MAP3K15: variants seen among roughly 807,000 people sequenced by gnomAD.
MAP3K15 encodes the protein mitogen-activated protein kinase kinase kinase 15.
Under a neutral mutation model 99.5 loss-of-function variants are expected in MAP3K15, and 124 were observed. The observed-to-expected ratio is 1.25, with a 90% CI of 1.08 to 1.45. MAP3K15 has a LOEUF of 1.45. MAP3K15 is among the 40% of genes most tolerant of loss of function. The pLI is 0.00. For missense variants in MAP3K15, 1,242 were observed against 1,079.7 expected (o/e 1.15, Z -2.11); for synonymous variants, 494 against 439.6 (o/e 1.12, Z -1.55).
chrX:19,361,503 G>C lies in MAP3K15; in HGVS notation c.3770C>G (p.Thr1257Arg). The C allele has an allele frequency of 2.5e-6, 3 of 1,208,895 alleles. No homozygotes were observed. The South Asian group carries it at 5.3e-5, about 21-fold the overall frequency. The change falls in exon 27 of 29, where the codon ACA becomes AGA. Residue 1257 changes from threonine (T) to arginine (R), a missense_variant. Physicochemically the swap from Thr to Arg is moderately conservative, Grantham distance 71. Transcript: ENST00000338883. ...WLRLQGADAK[T>R]IEKIVEEGYT... ...TTGTTGTAAATTTACCTTTTCAATT[G>C]TCTTTGCATCAGCTCCTTGCAGCCG...
At chrX:19,503,287 G>A (rs991376705) in intron 1 of MAP3K15, among the ~76,000 whole-genome samples, 8 of 108,562 alleles carry the variant, frequency 7.4e-5, no homozygotes, top group Non-Finnish European at 1.3e-4. Context: ...ATGTGTAGAT[G>A]GCATGCAAAA....
At position 19,371,542 on chromosome X, in the gene MAP3K15, C is replaced by A. The variant is rs757171909; in HGVS notation, c.3109-12G>T. The A allele has an allele frequency of 1.7e-6, 2 of 1,186,058 alleles. No homozygotes were observed. Among genetic ancestry groups the A allele is most frequent in the African/African-American group, 1.8e-5 (1 of 56,809 alleles). The stretch of plus-strand genomic sequence containing the variant: ...AACTCTTCGGAACTCTGAAAACACA[C>A]ACAAATCATTTTCATTGAGTCAGAT... On this transcript the variant is annotated splice_polypyrimidine_tract_variant and intron_variant, in intron 22 of 28. Transcript: ENST00000338883.
rs781183711 is a variant in MAP3K15 at position 19,437,636 on chromosome X, TACCCTATC to T, written c.996-6036_996-6029del. On this transcript the variant is annotated intron_variant, in intron 6 of 28. Coordinates refer to ENST00000338883, the MANE Select transcript of MAP3K15 (RefSeq NM_001001671.4). ...CAATCTTCCCATCCTACTTACTGGCTACCCTATCACCCTAAACTGTTTTAATACATTTA... is the reference window on the plus strand; with the variant it reads ...CAATCTTCCCATCCTACTTACTGGCTACCCTAAACTGTTTTAATACATTTA... Among the ~76,000 whole-genome samples the T allele has an allele frequency of 2.7e-5, 3 of 112,203 alleles. No homozygotes were observed. In the South Asian group the frequency reaches 1.1e-3, roughly 41 times the overall value.
Position 19,515,094 on chromosome X carries a change from C to T in MAP3K15, c.168G>A (p.Gly56=), listed in dbSNP as rs1286076279. The change falls in exon 1 of 29, where the codon GGG becomes GGA. Residue 56 remains glycine (G), a synonymous_variant. Coordinates refer to ENST00000338883, the MANE Select transcript of MAP3K15 (RefSeq NM_001001671.4). The part of the protein sequence containing the change: ...GGSGEGESGG[G]PRRALRAVYV... ...ATACTGCCCGCAGAGCCCGCCGCGG[C>T]CCGCCCCCACTCTCGCCCTCGCCGC... The T allele has an allele frequency of 1.7e-5, 15 of 872,671 alleles. No homozygotes were observed. Among genetic ancestry groups the T allele is most frequent in the Non-Finnish European group, 2.2e-5 (15 of 680,006 alleles). The allele number at this position is 872,671 out of a possible 1,213,427, so 71.9% of individuals were successfully genotyped here. A position where few individuals can be genotyped will look rare whatever the true frequency, so the allele number is the denominator to read the frequency against.
chrX:19,407,284 C>G lies in MAP3K15; in HGVS notation c.1749-1G>C. ...ACACCTTTCATCAAACTTTGATAGG[C>G]TGTAAAATTTCAAAGCATAATGTTT... On this transcript the variant is annotated splice_acceptor_variant, in intron 12 of 28. Transcript: ENST00000338883. LOFTEE classifies it high-confidence loss of function. The G allele has an allele frequency of 3.5e-6, 4 of 1,134,873 alleles. No homozygotes were observed. The highest frequency in any genetic ancestry group is 4.8e-6 in the Non-Finnish European group (4 of 839,491). 93.5% of individuals were successfully genotyped at this position (1,134,873 alleles called of 1,213,427 possible). A position where few individuals can be genotyped will look rare whatever the true frequency, so the allele number is the denominator to read the frequency against.
intron 6 of MAP3K15, among the ~76,000 whole-genome samples, chrX:19,454,807 G>A (rs2064080475): frequency 1.8e-5 from 2 of 111,921 alleles, no homozygotes; most frequent in South Asian, 7.4e-4. Context: ...CTTTGGATTT[G>A]CAGTATTTCA....
intron 13 of MAP3K15, among the ~76,000 whole-genome samples, chrX:19,402,904 G>A (rs1273207971): frequency 9.0e-5 from 10 of 111,569 alleles, no homozygotes; most frequent in Admixed American, 7.6e-4. Context: ...GGGATCAACC[G>A]ATCCTCCTGC....
At position 19,456,997 on chromosome X, in the gene MAP3K15, A is replaced by C. The variant is rs767425175; in HGVS notation, c.911T>G (p.Leu304Arg). The stretch of plus-strand genomic sequence containing the variant: ...AGGCAGCATCTCCAGTGTTTCCACC[A>C]GCTTCACCATCGCATCATAGTCCTG... ...DIQDYDAMVK[L>R]VETLEMLPTC... The change falls in exon 6 of 29, where the codon CTG becomes CGG. Residue 304 changes from leucine to arginine, a missense_variant. Coordinates refer to ENST00000338883, the MANE Select transcript of MAP3K15 (RefSeq NM_001001671.4). 3.3e-6 allele frequency: 4 copies of C among 1,196,281 alleles called. No homozygotes were observed. The highest frequency in any genetic ancestry group is 3.5e-5 in the South Asian group (2 of 56,558).
rs373519622 is a variant in MAP3K15 at position 19,369,131 on chromosome X, G to A, written c.3489C>T (p.Thr1163=). 86 of 1,208,742 alleles carry A rather than the reference G, an allele frequency of 7.1e-5. No individual in the cohort carries two copies. The highest frequency in any genetic ancestry group is 4.4e-4 in the Admixed American group (20 of 45,693). The change falls in exon 25 of 29, where the codon ACC becomes ACT. Residue 1163 remains threonine (T), a synonymous_variant. Coordinates refer to ENST00000338883, the MANE Select transcript of MAP3K15 (RefSeq NM_001001671.4). ...DEAEEGYPPA[T]GPGQEAQPHQ... is the part of the protein sequence containing the mutation. ...GGGGCTGGGCCTCCTGGCCAGGTCCGGTGGCTGGGGGATAGCCCTCTTCCG... is the reference window on the plus strand; with the variant it reads ...GGGGCTGGGCCTCCTGGCCAGGTCCAGTGGCTGGGGGATAGCCCTCTTCCG...
Position 19,374,507 on chromosome X carries a change from T to TG in MAP3K15, c.2742dup (p.Lys915GlnfsTer46). 1 of 1,211,510 alleles carries TG rather than the reference T, an allele frequency of 8.3e-7. No individual in the cohort carries two copies. The highest frequency in any genetic ancestry group is 1.1e-6 in the Non-Finnish European group (1 of 895,374). Reference sequence around the variant, plus strand: ...GGCTTGAAGGCAATTCGGTTCTTCTTGCCCTTGTTCACCTGCCTTAAGAAA... The same window carrying TG: ...GGCTTGAAGGCAATTCGGTTCTTCTTGGCCCTTGTTCACCTGCCTTAAGAAA... On this transcript the variant is annotated frameshift_variant, in exon 20 of 29. Coordinates refer to ENST00000338883, the MANE Select transcript of MAP3K15 (RefSeq NM_001001671.4). LOFTEE classifies it high-confidence loss of function.
intron 6 of MAP3K15, among the ~76,000 whole-genome samples, chrX:19,451,447 TA>T (rs756200802): frequency 0.065 from 6,043 of 92,906 alleles, 397 homozygotes; most frequent in African/African-American, 0.21. Flanking sequence ...TATATATATA[TA>T]AAAAAAAAAA....
chrX:19,368,830 T>G lies in MAP3K15; in HGVS notation c.3566+224A>C, dbSNP rs770042659. 3.8e-5 allele frequency among the ~76,000 whole-genome samples: 4 copies of G among 105,967 alleles called. No homozygotes were observed. In the East Asian group the frequency reaches 1.2e-3, roughly 31 times the overall value. The allele number at this position is 105,967 out of a possible 115,157, so 92.0% of individuals were successfully genotyped here. On this transcript the variant is annotated intron_variant, in intron 25 of 28. Coordinates refer to ENST00000338883, the MANE Select transcript of MAP3K15 (RefSeq NM_001001671.4). ...TGGGGCAAGGTACTATATATACCTCTCTGATTCTGAGTTTTTTTTTTTTTT... is the reference window on the plus strand; with the variant it reads ...TGGGGCAAGGTACTATATATACCTCGCTGATTCTGAGTTTTTTTTTTTTTT...
intron 25 of MAP3K15, among the ~76,000 whole-genome samples, chrX:19,365,576 G>C (rs1268768050): frequency 8.9e-6 from 1 of 112,711 alleles, no homozygotes; most frequent in African/African-American, 3.2e-5. Context: ...CAGGGGCCAA[G>C]GGCCTTGGCC....
At chrX:19,460,585 G>A (rs192611432) in intron 4 of MAP3K15, among the ~76,000 whole-genome samples, 62 of 110,878 alleles carry the variant, frequency 5.6e-4, no homozygotes, top group Admixed American at 2.9e-3. Context: ...TCTCTATCAG[G>A]TGTCTCTCAT....
chrX:19,396,727 A>C (rs920328163), intron 15 of MAP3K15, among the ~76,000 whole-genome samples: 6 of 110,989 alleles, frequency 5.4e-5, no homozygotes. Flanking sequence ...ACCCAGATAC[A>C]TGGGTGTTTA....
chrX:19,424,305 C>CACACATATATAT (rs1424846306), intron 9 of MAP3K15, among the ~76,000 whole-genome samples: 6,364 of 96,326 alleles, frequency 0.066, 602 homozygotes, highest in African/African-American at 0.29. Context: ...CATATATATA[C>CACACATATATAT]ACACATATAT....
chrX:19,433,499 C>T (rs2063899260), intron 6 of MAP3K15, among the ~76,000 whole-genome samples: 1 of 111,146 alleles, frequency 9.0e-6, no homozygotes, highest in Non-Finnish European at 1.9e-5. Flanking sequence ...CTTACCCCAA[C>T]AGCATCCCTG....
chrX:19,450,927 A>G (rs2064032612), intron 6 of MAP3K15, among the ~76,000 whole-genome samples: 1 of 109,571 alleles, frequency 9.1e-6, no homozygotes, highest in Non-Finnish European at 1.9e-5. Context: ...TATAAAAAGT[A>G]TACATGTGGC....
chrX:19,399,817 C>G (rs1434936588), intron 14 of MAP3K15, among the ~76,000 whole-genome samples: 1 of 109,087 alleles, frequency 9.2e-6, no homozygotes, highest in African/African-American at 3.3e-5. Context: ...GGCAATCAGC[C>G]TGCTCCATAG....
Sources: gnomAD v4.1 joint callset for allele counts (sites outside exome capture counted in the v4.1 genomes callset) on GRCh38, gnomAD v4.1.1 for gene constraint, MANE v1.5 for transcripts, NCBI Gene and HGNC (gene_info 2026-07-23, HGNC 2026-07-21) for gene names.